Variants in APBB2 observed in about 807,000 individuals in gnomAD.
The protein encoded by APBB2 is Fe65-like 1.
In APBB2, 38 loss-of-function variants were observed where a neutral mutation model predicts 82.5. The observed-to-expected ratio is 0.46, with a 90% confidence interval of 0.36 to 0.60. The LOEUF is 0.60. Ranked by LOEUF, APBB2 falls within the 20% of genes least tolerant of loss-of-function variation. The pLI is 0.00. For synonymous variants in APBB2, 341 were observed against 368.2 expected, an observed-to-expected ratio of 0.93 and a Z score of 0.85; for missense variants, 772 against 972.3, an observed-to-expected ratio of 0.79 and a Z score of 2.74.
intron 8 of APBB2, 180 bp from the exon 9 acceptor site, chr4:40,934,879 C>T (rs1282478657): frequency 1.5e-6 from 1 of 677,568 alleles, no homozygotes; most frequent in African/African-American, 1.8e-5. Flanking sequence ...TCTTACAAAA[C>T]AACGGGGAAC....
At chr4:41,038,682 A>G (rs1327972347) in intron 4 of APBB2, among the ~76,000 whole-genome samples, 1 of 152,218 alleles carries the variant, frequency 6.6e-6, no homozygotes, top group Non-Finnish European at 1.5e-5. Context: ...TAGAAACTCA[A>G]TGCAATGCTA....
intron 12 of APBB2, among the ~76,000 whole-genome samples, chr4:40,854,709 A>C (rs1760558469): frequency 6.6e-6 from 1 of 150,602 alleles, no homozygotes; most frequent in East Asian, 1.9e-4. Context: ...GAATCGCTTG[A>C]ATCTGGGAGA....
intron 1 of APBB2, among the ~76,000 whole-genome samples, chr4:41,157,460 C>T (rs1344907738): frequency 6.6e-6 from 1 of 152,160 alleles, no homozygotes; most frequent in Non-Finnish European, 1.5e-5. Context: ...TTTTTCACCC[C>T]TAGAGCAAGC....
chr4:40,951,672 C>T (rs1177656085), intron 6 of APBB2, among the ~76,000 whole-genome samples: 2 of 152,182 alleles, frequency 1.3e-5, no homozygotes, highest in Non-Finnish European at 2.9e-5. Flanking sequence ...TAGTACCTGC[C>T]TCACTGGGTA....
At chr4:41,070,945 T>G (rs1458362324) in intron 3 of APBB2, among the ~76,000 whole-genome samples, 1 of 152,240 alleles carries the variant, frequency 6.6e-6, no homozygotes, top group African/African-American at 2.4e-5. Flanking sequence ...AGCTTTTTAA[T>G]TACTGCATTT....
chr4:40,934,507 T>C lies in APBB2; in HGVS notation c.1203A>G (p.Pro401=). The change falls in exon 10 of 18, where the codon CCA becomes CCG. Residue 401 remains proline (P), a synonymous_variant. Coordinates refer to ENST00000508593, the MANE Select transcript of APBB2 (RefSeq NM_004307.2). ...RYASLKLRNA[P]HPDDDDSCSI... ...TACAAGAATCATCATCATCAGGGTG[T>C]GGGGCATTTCTAGGCAGAAAAACAG... 6.2e-7 allele frequency: 1 copy of C among 1,614,154 alleles called. No individual in the cohort carries two copies. Among genetic ancestry groups the C allele is most frequent in the African/African-American group, 1.3e-5 (1 of 75,028 alleles).
intron 1 of APBB2, among the ~76,000 whole-genome samples, chr4:41,145,405 CA>C (rs1217730772): frequency 6.6e-6 from 1 of 152,142 alleles, no homozygotes; most frequent in Non-Finnish European, 1.5e-5. Context: ...CTCTTTCCAC[CA>C]CTATGACATT....
intron 12 of APBB2, among the ~76,000 whole-genome samples, chr4:40,873,443 G>A (rs922753688): frequency 6.6e-6 from 1 of 152,156 alleles, no homozygotes; most frequent in African/African-American, 2.4e-5. Context: ...TTACGTCAAT[G>A]AAGAAGACAA....
chr4:41,213,455 G>A (rs978117353), intron 1 of APBB2, among the ~76,000 whole-genome samples: 2 of 152,098 alleles, frequency 1.3e-5, no homozygotes, highest in African/African-American at 4.8e-5. Flanking sequence ...CTAAAACCGC[G>A]CAGAACTTGA....
chr4:40,818,780 C>G (rs1746722952), intron 17 of APBB2, among the ~76,000 whole-genome samples: 1 of 152,188 alleles, frequency 6.6e-6, no homozygotes. Context: ...TGTTCAACGC[C>G]AGGCCTCCCC....
At chr4:41,068,645 A>G (rs143010118) in intron 3 of APBB2, among the ~76,000 whole-genome samples, 23 of 152,298 alleles carry the variant, frequency 1.5e-4, no homozygotes, top group African/African-American at 4.8e-4. Context: ...TACCCCTAAG[A>G]GTAGAACTTC....
At chr4:41,053,813 T>C (rs1726914987) in intron 4 of APBB2, among the ~76,000 whole-genome samples, 1 of 152,172 alleles carries the variant, frequency 6.6e-6, no homozygotes, top group African/African-American at 2.4e-5. Context: ...AGTCCACAAC[T>C]CCACAACTCA....
chr4:41,133,903 G>A (rs1756786410), intron 2 of APBB2, among the ~76,000 whole-genome samples: 1 of 152,134 alleles, frequency 6.6e-6, no homozygotes, highest in Non-Finnish European at 1.5e-5. Context: ...ATACCTCTCA[G>A]TAATTCACAG....
intron 6 of APBB2, among the ~76,000 whole-genome samples, chr4:40,954,372 G>A (rs988727812): frequency 6.6e-6 from 1 of 152,174 alleles, no homozygotes; most frequent in Non-Finnish European, 1.5e-5. Context: ...GGTGTGAAAG[G>A]CACGGGGTGG....
chr4:41,109,945 T>C (rs958461360), intron 2 of APBB2, among the ~76,000 whole-genome samples: 9 of 152,204 alleles, frequency 5.9e-5, no homozygotes, highest in African/African-American at 2.2e-4. Context: ...TATTATTTAG[T>C]TTTAAACACT....
rs1315851233 is a variant in APBB2 at position 41,143,637 on chromosome 4, A to G, written c.-416-495T>C. ...AATATAAAACATTACAGGACTTCAA[A>G]GGGCACCACAAAAAGACACATAAGT... On this transcript the variant is annotated intron_variant, in intron 1 of 17. Transcript: ENST00000508593. Among the ~76,000 whole-genome samples the G allele has an allele frequency of 2.6e-5, 4 of 152,216 alleles. No individual in the cohort carries two copies. In the East Asian group the frequency reaches 7.7e-4, roughly 29 times the overall value.
In APBB2 at chr4:40,827,184, G is replaced by A; in HGVS notation, c.1680C>T (p.Ala560=). 2 of 1,614,228 alleles carry A rather than the reference G, an allele frequency of 1.2e-6. No individual in the cohort carries two copies. Among genetic ancestry groups the A allele is most frequent in the Non-Finnish European group, 1.7e-6 (2 of 1,180,038 alleles). ...TGGCCCTTTCCTGTAAGGAGCTGCA[G>A]GCCAGCGCTTTGGCATTCTTCCGTT... The part of the protein sequence containing the change: ...MAERKNAKAL[A]CSSLQERANV... The change falls in exon 14 of 18, where the codon GCC becomes GCT. Residue 560 remains alanine, a synonymous_variant. Coordinates refer to ENST00000508593, the MANE Select transcript of APBB2 (RefSeq NM_004307.2).
intron 6 of APBB2, among the ~76,000 whole-genome samples, chr4:40,964,793 G>A (rs916028567): frequency 3.3e-4 from 8 of 24,200 alleles, no homozygotes; most frequent in African/African-American, 6.8e-4. Flanking sequence ...CACATTGCAA[G>A]TATAGTTTTG....
chr4:40,908,017 G>A (rs1163452009), intron 10 of APBB2, among the ~76,000 whole-genome samples: 3 of 151,310 alleles, frequency 2.0e-5, no homozygotes, highest in African/African-American at 7.3e-5. Flanking sequence ...TGTATGTGGT[G>A]TGTGTGTGTG....
Sources: allele counts gnomAD v4.1 joint callset (sites outside exome capture counted in the v4.1 genomes callset), GRCh38; gene constraint gnomAD v4.1.1; transcripts MANE v1.5; gene names NCBI Gene and HGNC (gene_info 2026-07-23, HGNC 2026-07-21).